EEFSEC: variants seen among roughly 807,000 people sequenced by gnomAD.
The protein encoded by EEFSEC is selenocysteine-specific elongation factor.
In EEFSEC, 43 loss-of-function variants were observed where a neutral mutation model predicts 42.1. The ratio of observed to expected loss-of-function variants is 1.02; its 90% CI spans 0.80 to 1.32. The LOEUF (loss-of-function observed/expected upper bound fraction) is 1.32. Ranked by LOEUF, EEFSEC falls within the 40% of genes most tolerant of loss-of-function variation. EEFSEC has a pLI of 0.00. For missense variants in EEFSEC, 745 were observed against 803.6 expected, an observed-to-expected ratio of 0.93 and a Z score of 0.88; for synonymous variants, 354 against 339.1, an observed-to-expected ratio of 1.04 and a Z score of -0.48.
At chr3:128,166,504 A>G (rs1576511749) in intron 1 of EEFSEC, among the ~76,000 whole-genome samples, 5 of 152,196 alleles carry the variant, frequency 3.3e-5, no homozygotes, top group African/African-American at 1.2e-4. Context: ...GCTGTATTTG[A>G]CAGCGCAGGG....
At chr3:128,156,783 T>G (rs1012620227) in intron 1 of EEFSEC, among the ~76,000 whole-genome samples, 11 of 152,242 alleles carry the variant, frequency 7.2e-5, no homozygotes, top group Non-Finnish European at 2.9e-5. Context: ...ACCTACTGGC[T>G]TTTTCCCTGT....
chr3:128,213,050 G>A (rs2065775485), intron 1 of EEFSEC, among the ~76,000 whole-genome samples: 1 of 152,206 alleles, frequency 6.6e-6, no homozygotes, highest in African/African-American at 2.4e-5. Flanking sequence ...CCCTCAGTGG[G>A]GGTTGGCTGC....
At chr3:128,242,852 T>C (rs987953823) in intron 1 of EEFSEC, among the ~76,000 whole-genome samples, 6 of 152,314 alleles carry the variant, frequency 3.9e-5, no homozygotes, top group South Asian at 4.1e-4. Flanking sequence ...TTATAAGCCT[T>C]GATTTTTTTG....
chr3:128,239,675 A>G (rs1012781335), intron 1 of EEFSEC, among the ~76,000 whole-genome samples: 7 of 152,228 alleles, frequency 4.6e-5, no homozygotes, highest in Non-Finnish European at 1.0e-4. Context: ...CTCTACAGGA[A>G]CCTGAGTTTC....
chr3:128,193,460 A>G (rs902639381), intron 1 of EEFSEC, among the ~76,000 whole-genome samples: 1 of 152,194 alleles, frequency 6.6e-6, no homozygotes, highest in East Asian at 1.9e-4. Context: ...TAGCCTGACT[A>G]TTGGCAAGGG....
In EEFSEC at chr3:128,330,042, C is replaced by G. The variant is rs143883940; in HGVS notation, c.787-11191C>G. On this transcript the variant is annotated intron_variant, in intron 4 of 6. Coordinates refer to ENST00000254730, the MANE Select transcript of EEFSEC (RefSeq NM_021937.5). ...CTTACCTCCCAAGGATTCCTTACCC[C>G]CTAAAAAGCCCAGGGATGTCATTAA... 8.5e-5 allele frequency among the ~76,000 whole-genome samples: 13 copies of G among 152,302 alleles called. No homozygotes were observed. In the East Asian group the frequency reaches 2.5e-3, roughly 29 times the overall value.
chr3:128,315,274 T>C (rs1436293431), intron 4 of EEFSEC, among the ~76,000 whole-genome samples: 1 of 152,170 alleles, frequency 6.6e-6, no homozygotes, highest in East Asian at 1.9e-4. Context: ...CAGGGTGAGG[T>C]ATGTGATATG....
chr3:128,348,257 TGTGTGTGTGTGTGCGTGTGC>T, intron 5 of EEFSEC, among the ~76,000 whole-genome samples: 1 of 128,436 alleles, frequency 7.8e-6, no homozygotes, highest in Non-Finnish European at 1.5e-5. Flanking sequence ...TGCATGCGTG[TGTGTGTGTGTGTGCGTGTGC>T]GTGTGTGTGT....
At chr3:128,288,679 T>G (rs1410338806) in intron 4 of EEFSEC, among the ~76,000 whole-genome samples, 1 of 152,242 alleles carries the variant, frequency 6.6e-6, no homozygotes, top group Non-Finnish European at 1.5e-5. Flanking sequence ...ACTTTGCAGG[T>G]GAACATGTTG....
chr3:128,322,546 A>T (rs546791577), intron 4 of EEFSEC, among the ~76,000 whole-genome samples: 1 of 152,374 alleles, frequency 6.6e-6, no homozygotes, highest in Non-Finnish European at 1.5e-5. Flanking sequence ...AAGGCCACTC[A>T]TCAGCTTCCT....
At chr3:128,173,581 C>A (rs1170262553) in intron 1 of EEFSEC, among the ~76,000 whole-genome samples, 2 of 152,130 alleles carry the variant, frequency 1.3e-5, no homozygotes, top group Non-Finnish European at 2.9e-5. Context: ...GAAGTGCTCC[C>A]CTTTTAAAAG....
intron 6 of EEFSEC, among the ~76,000 whole-genome samples, chr3:128,405,218 G>T (rs573810402): frequency 6.6e-6 from 1 of 152,038 alleles, no homozygotes; most frequent in Non-Finnish European, 1.5e-5. Flanking sequence ...GGGTTTCACC[G>T]TGTTAGCCAG....
chr3:128,181,290 A>C (rs1400606700), intron 1 of EEFSEC, among the ~76,000 whole-genome samples: 1 of 152,238 alleles, frequency 6.6e-6, no homozygotes, highest in Non-Finnish European at 1.5e-5. Context: ...TCCCATTCCC[A>C]AATCCTTTTC....
intron 1 of EEFSEC, among the ~76,000 whole-genome samples, chr3:128,187,652 C>T (rs546583258): frequency 4.6e-5 from 7 of 152,312 alleles, no homozygotes; most frequent in African/African-American, 1.7e-4. Context: ...GGCCCTGCCC[C>T]TTGGGACTCA....
chr3:128,416,762 C>T, the EEFSEC span, among the ~76,000 whole-genome samples: 12 of 152,078 alleles, frequency 7.9e-5, no homozygotes, highest in Admixed American at 6.5e-4. Context: ...CCTGTCCCCA[C>T]GAAGGGAATG....
At chr3:128,171,179 C>G (rs976781214) in intron 1 of EEFSEC, among the ~76,000 whole-genome samples, 2 of 152,148 alleles carry the variant, frequency 1.3e-5, no homozygotes, top group African/African-American at 4.8e-5. Flanking sequence ...TTTCACAGGT[C>G]AGCATAGTTA....
intron 1 of EEFSEC, among the ~76,000 whole-genome samples, chr3:128,243,056 T>A (rs1431073877): frequency 6.6e-6 from 1 of 152,232 alleles, no homozygotes; most frequent in Non-Finnish European, 1.5e-5. Flanking sequence ...GAAAAGAAAG[T>A]AACTGAGAGC....
At chr3:128,267,116 G>C (rs1449667949) in intron 4 of EEFSEC, among the ~76,000 whole-genome samples, 2 of 152,130 alleles carry the variant, frequency 1.3e-5, no homozygotes, top group African/African-American at 4.8e-5. Flanking sequence ...GGGGGTACCT[G>C]AGGTTCTAGA....
At chr3:128,268,004 T>C (rs1197891856) in intron 4 of EEFSEC, among the ~76,000 whole-genome samples, 1 of 152,068 alleles carries the variant, frequency 6.6e-6, no homozygotes, top group African/African-American at 2.4e-5. Context: ...ATAGAACAAC[T>C]CAGCTACAAA....
Sources: allele counts gnomAD v4.1 joint callset (sites outside exome capture counted in the v4.1 genomes callset), GRCh38; gene constraint gnomAD v4.1.1; transcripts MANE v1.5; gene names NCBI Gene and HGNC (gene_info 2026-07-23, HGNC 2026-07-21).